The following NFIA variants were observed in gnomAD, a reference collection of about 807,000 sequenced individuals.
NFIA encodes nuclear factor I A.
In NFIA, 8 loss-of-function variants were observed where a neutral mutation model predicts 62.8. The observed-to-expected ratio is 0.13, with a 90% CI of 0.07 to 0.23. The LOEUF (loss-of-function observed/expected upper bound fraction) is 0.23. NFIA is among the 10% of genes least tolerant of loss of function. NFIA has a pLI of 1.00. For synonymous variants in NFIA, 235 were observed against 238.1 expected (o/e 0.99, Z 0.12); for missense variants, 410 against 642.1 (o/e 0.64, Z 3.91).
Position 61,088,521 on chromosome 1 carries a change from G to A in NFIA, c.400G>A (p.Val134Met), listed in dbSNP as rs1553149211. Residue 134 changes from valine (V) to methionine (M), a missense_variant, in exon 2 of 11, where the codon GTG becomes ATG. Transcript: ENST00000403491. This position sits in a 1 kb window ranked among gnomAD's most constrained non-coding sequence, Gnocchi z 4.5. ...DKVWRLDLVM[V>M]ILFKGIPLES... ...AGTCTGGAGGTTGGACCTTGTTATG[G>A]TGATTTTGTTTAAAGGTATTCCGCT... 6.2e-7 allele frequency: 1 copy of A among 1,614,114 alleles called. No homozygotes were observed. Among genetic ancestry groups the A allele is most frequent in the Non-Finnish European group, 8.5e-7 (1 of 1,180,020 alleles).
intron 2 of NFIA, among the ~76,000 whole-genome samples, chr1:61,109,987 G>A (rs1646667886): frequency 1.3e-5 from 2 of 151,976 alleles, no homozygotes; most frequent in African/African-American, 4.8e-5. Context: ...ATAATGTATA[G>A]CCTTTAATAT....
At chr1:61,325,598 CTG>C (rs977933318) in intron 3 of NFIA, among the ~76,000 whole-genome samples, 1 of 152,172 alleles carries the variant, frequency 6.6e-6, no homozygotes, top group Non-Finnish European at 1.5e-5. Flanking sequence ...TCTGATAATA[CTG>C]TGTGAAGAGA....
chr1:61,231,779 T>C (rs1001503566), intron 2 of NFIA, among the ~76,000 whole-genome samples: 3 of 152,014 alleles, frequency 2.0e-5, no homozygotes, highest in Non-Finnish European at 4.4e-5. Flanking sequence ...CAGTGAGCTG[T>C]GATTGTAACT....
intron 6 of NFIA, among the ~76,000 whole-genome samples, chr1:61,376,769 A>C (rs186337785): frequency 5.3e-5 from 8 of 152,330 alleles, no homozygotes; most frequent in Admixed American, 4.6e-4. Context: ...TATAAAATGT[A>C]TGCACTTGAG....
At chr1:61,096,230 T>G (rs892996688) in intron 2 of NFIA, among the ~76,000 whole-genome samples, 4 of 152,188 alleles carry the variant, frequency 2.6e-5, no homozygotes, top group African/African-American at 9.7e-5. Flanking sequence ...TGTTGTTGTT[T>G]GAGACGGAGT....
chr1:61,126,104 C>T (rs951656706), intron 2 of NFIA, among the ~76,000 whole-genome samples: 25 of 152,148 alleles, frequency 1.6e-4, no homozygotes, highest in African/African-American at 5.8e-4. Flanking sequence ...TGTCACGAAA[C>T]TTGCTTCAGT....
intron 2 of NFIA, among the ~76,000 whole-genome samples, chr1:61,199,293 C>T (rs937181532): frequency 6.6e-6 from 1 of 152,200 alleles, no homozygotes; most frequent in South Asian, 2.1e-4. Context: ...TCCCTTCGTG[C>T]AAAGCAAAAA....
intron 6 of NFIA, 37 bp downstream of exon 6, chr1:61,359,311 T>A (rs1228195570): frequency 1.9e-6 from 3 of 1,611,352 alleles, no homozygotes; most frequent in Non-Finnish European, 2.5e-6. Context: ...TGGCTAACAC[T>A]GTGAAACTGA....
chr1:61,193,633 A>G lies in NFIA; in HGVS notation c.560-83887A>G, dbSNP rs1232616933. Among the ~76,000 whole-genome samples, 3 of 152,226 alleles carry G rather than the reference A, an allele frequency of 2.0e-5. No homozygotes were observed. The East Asian group carries it at 5.8e-4, about 29-fold the overall frequency. ...ATTAGTTGGAGTAGAAAAGAGATGA[A>G]GGATTATCAGTTGTCAGGTATATTT... is the stretch of plus-strand genomic sequence containing the variant. On this transcript the variant is annotated intron_variant, in intron 2 of 10. Transcript: ENST00000403491.
chr1:61,142,603 G>A (rs943178191), intron 2 of NFIA, among the ~76,000 whole-genome samples: 2 of 152,076 alleles, frequency 1.3e-5, no homozygotes, highest in African/African-American at 4.8e-5. Context: ...AATGAACACA[G>A]GATTATGAAA....
intron 2 of NFIA, among the ~76,000 whole-genome samples, chr1:61,139,631 G>A (rs1196928421): frequency 3.3e-5 from 5 of 152,126 alleles, no homozygotes; most frequent in Non-Finnish European, 5.9e-5. Context: ...CTGAGTCACT[G>A]GTGCCTGCTG....
chr1:61,236,531 G>A lies in NFIA; in HGVS notation c.560-40989G>A, dbSNP rs58144157. 5.9e-3 allele frequency among the ~76,000 whole-genome samples: 898 copies of A among 151,998 alleles called. 7 individuals are homozygous for A. The highest frequency in any genetic ancestry group is 0.02 in the African/African-American group (836 of 41,408). On this transcript the variant is annotated intron_variant, in intron 2 of 10. Coordinates refer to ENST00000403491, the MANE Select transcript of NFIA (RefSeq NM_001134673.4). Reference sequence around the variant, plus strand: ...AATACTACACAGAGAAAGAGAAAATGCCGAAGTTGTAGGGCTAACAAACAC... The same window carrying A: ...AATACTACACAGAGAAAGAGAAAATACCGAAGTTGTAGGGCTAACAAACAC...
intron 10 of NFIA, among the ~76,000 whole-genome samples, chr1:61,442,410 A>G (rs986604170): frequency 6.6e-6 from 1 of 152,218 alleles, no homozygotes; most frequent in Non-Finnish European, 1.5e-5. Flanking sequence ...ATGAACAAGT[A>G]TAAAACACTT....
chr1:61,294,571 A>G (rs896829703), intron 3 of NFIA, among the ~76,000 whole-genome samples: 1 of 152,220 alleles, frequency 6.6e-6, no homozygotes, highest in Non-Finnish European at 1.5e-5. Context: ...CAGTTTTCAT[A>G]TTACATTTAT....
At chr1:61,227,121 T>G (rs564531657) in intron 2 of NFIA, among the ~76,000 whole-genome samples, 1 of 152,336 alleles carries the variant, frequency 6.6e-6, no homozygotes, top group East Asian at 1.9e-4. Flanking sequence ...CTGAAACCTT[T>G]ACCCATATGC....
intron 2 of NFIA, among the ~76,000 whole-genome samples, chr1:61,159,080 G>A (rs1244464857): frequency 2.0e-5 from 3 of 151,590 alleles, no homozygotes; most frequent in Non-Finnish European, 4.4e-5. Context: ...CTTCTTCTCC[G>A]AGGATTCATT....
At chr1:61,436,658 C>T (rs1292098165) in intron 10 of NFIA, among the ~76,000 whole-genome samples, 6 of 152,170 alleles carry the variant, frequency 3.9e-5, no homozygotes, top group African/African-American at 1.4e-4. Flanking sequence ...CTCACACCCA[C>T]CTGCTTACCT....
At chr1:61,337,868 T>C (rs558120746) in intron 4 of NFIA, among the ~76,000 whole-genome samples, 1 of 152,196 alleles carries the variant, frequency 6.6e-6, no homozygotes, top group Middle Eastern at 3.2e-3. Context: ...CTGTCAAATA[T>C]CACTCCTGGT....
At chr1:61,435,371 G>A (rs138416752) in intron 10 of NFIA, among the ~76,000 whole-genome samples, 59 of 152,212 alleles carry the variant, frequency 3.9e-4, no homozygotes, top group Middle Eastern at 3.4e-3. Context: ...TTTTCCTCCC[G>A]TAACAAGAAA....
Sources: gnomAD v4.1 joint callset for allele counts (sites outside exome capture counted in the v4.1 genomes callset) on GRCh38, gnomAD v4.1.1 for gene constraint, Gnocchi (gnomAD v3.1) non-coding constraint, MANE v1.5 for transcripts, NCBI Gene and HGNC (gene_info 2026-07-23, HGNC 2026-07-21) for gene names.